Variants in CFDP1 observed in about 807,000 individuals in gnomAD.
CFDP1 encodes chromatin remodeling protein CFDP1, also known as heterochromatin-stabilizing protein CFDP1.
A neutral mutation model predicts 40.1 loss-of-function variants in CFDP1; 31 were observed. The observed-to-expected ratio is 0.77, with a 90% CI of 0.58 to 1.04. The LOEUF (loss-of-function observed/expected upper bound fraction) is 1.04, where lower values mean the gene tolerates loss of function less well. CFDP1 is among the 50% of genes least tolerant of loss of function. The pLI is 0.00. For missense variants in CFDP1, 423 were observed against 343.4 expected (o/e 1.23, Z -1.83); for synonymous variants, 167 against 120.0 (o/e 1.39, Z -2.56).
chr16:75,327,127 C>T (rs1277922912), intron 5 of CFDP1, among the ~76,000 whole-genome samples: 2 of 151,970 alleles, frequency 1.3e-5, no homozygotes, highest in African/African-American at 2.4e-5. Flanking sequence ...AATAGCTGGG[C>T]GTGGTGGCGG....
chr16:75,341,419 G>C (rs2078526050), intron 5 of CFDP1, among the ~76,000 whole-genome samples: 1 of 152,132 alleles, frequency 6.6e-6, no homozygotes. Flanking sequence ...TCTTTTGTTT[G>C]TTCCTAGCAT....
intron 4 of CFDP1, chr16:75,409,479 G>A (rs1487490940): frequency 6.6e-6 from 1 of 152,134 alleles, no homozygotes; most frequent in East Asian, 1.9e-4. Flanking sequence ...TAAAAATTTA[G>A]TTATCTTTTA....
intron 5 of CFDP1, 200 bp downstream of exon 5, chr16:75,394,890 G>T: frequency 1.7e-6 from 1 of 575,854 alleles, no homozygotes; most frequent in Non-Finnish European, 2.8e-6. Context: ...CAAACTCCTG[G>T]GTTCAAGCAA....
At chr16:75,320,672 C>T (rs1460483388) in intron 5 of CFDP1, among the ~76,000 whole-genome samples, 16 of 152,106 alleles carry the variant, frequency 1.1e-4, no homozygotes, top group Non-Finnish European at 1.5e-5. Flanking sequence ...TTCCAGTCAC[C>T]GTGAGGCTCA....
At chr16:75,311,733 T>G (rs576161461) in intron 5 of CFDP1, among the ~76,000 whole-genome samples, 1 of 152,204 alleles carries the variant, frequency 6.6e-6, no homozygotes, top group African/African-American at 2.4e-5. Flanking sequence ...TCCTTAGTAT[T>G]TGTCATCTGC....
At chr16:75,344,793 A>G (rs1056968751) in intron 5 of CFDP1, among the ~76,000 whole-genome samples, 3 of 151,970 alleles carry the variant, frequency 2.0e-5, no homozygotes, top group African/African-American at 7.3e-5. Context: ...TTAGCTGGGC[A>G]TGGTGGTGCG....
intron 4 of CFDP1, among the ~76,000 whole-genome samples, chr16:75,403,801 C>G (rs1025256843): frequency 6.6e-6 from 1 of 152,134 alleles, no homozygotes; most frequent in Admixed American, 6.6e-5. Flanking sequence ...AGAATAATTT[C>G]AGGCAGTAAA....
chr16:75,298,602 C>A (rs560876961), intron 6 of CFDP1, among the ~76,000 whole-genome samples: 1 of 152,320 alleles, frequency 6.6e-6, no homozygotes, highest in East Asian at 1.9e-4. Context: ...CGGCAGCACT[C>A]CGAGGCTAGA....
At chr16:75,339,027 A>C (rs912671539) in intron 5 of CFDP1, among the ~76,000 whole-genome samples, 1 of 151,990 alleles carries the variant, frequency 6.6e-6, no homozygotes. Context: ...TTCAATCTAC[A>C]AATTGTTGCT....
chr16:75,333,032 T>C (rs1450925364), intron 5 of CFDP1, among the ~76,000 whole-genome samples: 1 of 151,774 alleles, frequency 6.6e-6, no homozygotes, highest in East Asian at 1.9e-4. Flanking sequence ...GGTCTCGAAC[T>C]CCTAACCTCA....
intron 1 of CFDP1, among the ~76,000 whole-genome samples, chr16:75,420,713 G>A (rs566640735): frequency 6.6e-6 from 1 of 152,282 alleles, no homozygotes; most frequent in South Asian, 2.1e-4. Flanking sequence ...AGAGTAGGTT[G>A]AAAAGCGATG....
intron 5 of CFDP1, among the ~76,000 whole-genome samples, chr16:75,311,825 G>A (rs1163851472): frequency 6.9e-6 from 1 of 145,008 alleles, no homozygotes; most frequent in African/African-American, 2.6e-5. Flanking sequence ...GACTGGCCCC[G>A]AACTCCTGGG....
chr16:75,386,996 T>G (rs1295797551), intron 5 of CFDP1, among the ~76,000 whole-genome samples: 2 of 152,260 alleles, frequency 1.3e-5, no homozygotes, highest in African/African-American at 4.8e-5. Context: ...ATTCAATTTC[T>G]AATCTATTTA....
At chr16:75,397,377 T>G (rs247437) in intron 4 of CFDP1, among the ~76,000 whole-genome samples, 27,173 of 149,610 alleles carry the variant, frequency 0.18, 2,641 homozygotes, top group East Asian at 0.39. Flanking sequence ...TAACTGAGTG[T>G]GGTGGTGCAT....
chr16:75,372,911 A>C lies in CFDP1; in HGVS notation c.650+22179T>G, dbSNP rs1421300791. Among the ~76,000 whole-genome samples, 4 of 152,246 alleles carry C rather than the reference A, an allele frequency of 2.6e-5. No homozygotes were observed. The East Asian group carries it at 7.7e-4, about 29-fold the overall frequency. On this transcript the variant is annotated intron_variant, in intron 5 of 6. Coordinates refer to ENST00000283882, the MANE Select transcript of CFDP1 (RefSeq NM_006324.3). The stretch of plus-strand genomic sequence containing the variant: ...GAATATTTTAGTTCCAAAATTCTAA[A>C]GGCAAACTGCTAACTGAAAAGGGAA...
intron 5 of CFDP1, among the ~76,000 whole-genome samples, chr16:75,313,104 T>G (rs2078304781): frequency 6.6e-6 from 1 of 152,342 alleles, no homozygotes; most frequent in East Asian, 1.9e-4. Flanking sequence ...AGTGGCTTTG[T>G]GTCTCTTGCC....
intron 5 of CFDP1, among the ~76,000 whole-genome samples, chr16:75,355,061 T>C (rs576370421): frequency 1.2e-4 from 18 of 152,340 alleles, no homozygotes; most frequent in South Asian, 1.0e-3. Context: ...AAGTGTGTAA[T>C]AGCATTATGT....
At chr16:75,360,835 A>C (rs1219272556) in intron 5 of CFDP1, among the ~76,000 whole-genome samples, 1 of 152,252 alleles carries the variant, frequency 6.6e-6, no homozygotes, top group African/African-American at 2.4e-5. Context: ...ACTGACCATT[A>C]AACAAACCAT....
chr16:75,310,761 G>A (rs1017238521), intron 5 of CFDP1, among the ~76,000 whole-genome samples: 1 of 152,232 alleles, frequency 6.6e-6, no homozygotes, highest in Non-Finnish European at 1.5e-5. Context: ...GGAGCTGGGA[G>A]AGTAACTTGC....
Sources: gnomAD v4.1 joint callset for allele counts (sites outside exome capture counted in the v4.1 genomes callset) on GRCh38, gnomAD v4.1.1 for gene constraint, MANE v1.5 for transcripts, NCBI Gene and HGNC (gene_info 2026-07-23, HGNC 2026-07-21) for gene names.